EPG5: variants seen among roughly 807,000 people sequenced by gnomAD.
The protein encoded by EPG5 is ectopic P-granules 5 autophagy tethering factor.
EPG5 carries 159 observed loss-of-function variants against 302.7 expected under a neutral mutation model. The ratio of observed to expected loss-of-function variants is 0.53; its 90% CI spans 0.46 to 0.60. EPG5 has a LOEUF of 0.60. Among genes scored for constraint, EPG5 ranks in the 20% least tolerant of loss-of-function variants. The pLI is 0.00. For synonymous variants in EPG5, 1,158 were observed against 1,136.8 expected, an observed-to-expected ratio of 1.02 and a Z score of -0.37; for missense variants, 2,896 against 3,092.4, an observed-to-expected ratio of 0.94 and a Z score of 1.51.
At position 45,917,833 on chromosome 18, in the gene EPG5, G is replaced by C; in HGVS notation, c.3099-14C>G. Reference sequence around the variant, plus strand: ...AACTTCTCAATGCTATGGAAAAAGAGAAAGGCACTGAATACACAAGGGAGC... The same window carrying C: ...AACTTCTCAATGCTATGGAAAAAGACAAAGGCACTGAATACACAAGGGAGC... On this transcript the variant is annotated splice_polypyrimidine_tract_variant and intron_variant, in intron 16 of 43. Transcript: ENST00000282041. 6.2e-7 allele frequency: 1 copy of C among 1,613,862 alleles called. No individual in the cohort carries two copies. Among genetic ancestry groups the C allele is most frequent in the East Asian group, 2.2e-5 (1 of 44,856 alleles).
rs1428129250 is a variant in EPG5, at chr18:45,849,005, A to T, written c.*3462T>A. 1 of 148,950 alleles carries T rather than the reference A, an allele frequency of 6.7e-6. No individual in the cohort carries two copies. The highest frequency in any genetic ancestry group is 2.5e-5 in the African/African-American group (1 of 40,032). The allele number at this position is 148,950 out of a possible 1,614,324, so 9.2% of individuals were successfully genotyped here. A position where few individuals can be genotyped will look rare whatever the true frequency, so the allele number is the denominator to read the frequency against. The stretch of plus-strand genomic sequence containing the variant: ...GGGAGGCTGAGGCAGAATAGCTTGA[A>T]CCCAGGAGGCGGAGGTTGCAGTGAG... On this transcript the variant is annotated 3_prime_UTR_variant, in exon 44 of 44. Coordinates refer to ENST00000282041, the MANE Select transcript of EPG5 (RefSeq NM_020964.3).
chr18:45,861,081 ACAC>A (rs1256738493), intron 39 of EPG5, among the ~76,000 whole-genome samples: 2 of 152,350 alleles, frequency 1.3e-5, no homozygotes, highest in East Asian at 3.9e-4. Context: ...TGTAGCTTTC[ACAC>A]CACAAGGATT....
chr18:45,949,865 A>G (rs532371189), intron 4 of EPG5, among the ~76,000 whole-genome samples: 2 of 152,362 alleles, frequency 1.3e-5, no homozygotes, highest in South Asian at 4.1e-4. Flanking sequence ...GAATAGATAT[A>G]AGTCAAGTAG....
At chr18:45,898,730 C>G (rs2049535347) in intron 27 of EPG5, among the ~76,000 whole-genome samples, 1 of 152,206 alleles carries the variant, frequency 6.6e-6, no homozygotes, top group African/African-American at 2.4e-5. Context: ...CCACCAACAC[C>G]CCCAAAACAC....
rs2050707198 is a variant in EPG5, at chr18:45,943,146, C to T, written c.1943+15G>A. 1.2e-6 allele frequency: 2 copies of T among 1,612,688 alleles called. No individual in the cohort carries two copies. The highest frequency in any genetic ancestry group is 1.7e-6 in the Non-Finnish European group (2 of 1,178,946). On this transcript the variant is annotated intron_variant, in intron 9 of 43. Coordinates refer to ENST00000282041, the MANE Select transcript of EPG5 (RefSeq NM_020964.3). ...GTGAAAGGAACAGAGAAGGGTAGAGCAACAGCAGTATTACCTGATCATATA... is the reference window on the plus strand; with the variant it reads ...GTGAAAGGAACAGAGAAGGGTAGAGTAACAGCAGTATTACCTGATCATATA...
At chr18:45,835,476 T>C in the EPG5 span, among the ~76,000 whole-genome samples, 2 of 152,200 alleles carry the variant, frequency 1.3e-5, no homozygotes, top group African/African-American at 4.8e-5. Flanking sequence ...AAAAGGCAGA[T>C]GCTGGCTAGA....
chr18:45,929,111 T>TAG, intron 12 of EPG5, 102 bp from the exon 13 acceptor site: 1 of 1,247,002 alleles, frequency 8.0e-7, no homozygotes, highest in Non-Finnish European at 1.1e-6. Flanking sequence ...GAATCTTACA[T>TAG]TGAGCCTTAA....
chr18:45,817,259 C>T, the EPG5 span, among the ~76,000 whole-genome samples: 1 of 151,954 alleles, frequency 6.6e-6, no homozygotes, highest in African/African-American at 2.4e-5. Flanking sequence ...CCCCAATAAC[C>T]TATGGGAATA....
chr18:45,837,375 G>A, the EPG5 span: 238 of 1,287,240 alleles, frequency 1.8e-4, no homozygotes, highest in African/African-American at 3.3e-3. Flanking sequence ...CCCTGGAAGT[G>A]GGGGACGATC....
intron 27 of EPG5, among the ~76,000 whole-genome samples, chr18:45,896,839 G>C (rs9958987): frequency 0.044 from 6,632 of 152,174 alleles, 423 homozygotes; most frequent in African/African-American, 0.14. Flanking sequence ...GACCCACCAC[G>C]CTCAGCCCAA....
chr18:45,913,693 C>G lies in EPG5; in HGVS notation c.3816+13G>C, dbSNP rs2049963946. 6.2e-7 allele frequency: 1 copy of G among 1,613,662 alleles called. No individual in the cohort carries two copies. The highest frequency in any genetic ancestry group is 1.1e-5 in the South Asian group (1 of 91,026). Reference sequence around the variant, plus strand: ...CACCTTCTACCACTCAAATGCAGAACTGCTATTTGTACCTTCAGAGCTTGG... The same window carrying G: ...CACCTTCTACCACTCAAATGCAGAAGTGCTATTTGTACCTTCAGAGCTTGG... On this transcript the variant is annotated intron_variant, in intron 21 of 43. Coordinates refer to ENST00000282041, the MANE Select transcript of EPG5 (RefSeq NM_020964.3).
chr18:45,899,108 C>T (rs1003733399), intron 27 of EPG5, among the ~76,000 whole-genome samples: 3 of 151,980 alleles, frequency 2.0e-5, no homozygotes, highest in Non-Finnish European at 4.4e-5. Context: ...CTGGGGACTC[C>T]GTTTCAAAAA....
Position 45,910,619 on chromosome 18 carries a change from G to A in EPG5, c.4107C>T (p.Ala1369=), listed in dbSNP as rs1599551946. The change falls in exon 23 of 44, where the codon GCC becomes GCT. Residue 1369 remains alanine, a synonymous_variant. Coordinates refer to ENST00000282041, the MANE Select transcript of EPG5 (RefSeq NM_020964.3). The stretch of plus-strand genomic sequence containing the variant: ...CACTGCCCTCTGCTGGAACACGGAG[G>A]GCCTTGCTTGCAGCATGGTGGAAGT... The part of the protein sequence containing the change: ...VADFHHAASK[A]LRVPAEGSEG... 1 of 1,614,060 alleles carries A rather than the reference G, an allele frequency of 6.2e-7. No individual in the cohort carries two copies. Among genetic ancestry groups the A allele is most frequent in the Non-Finnish European group, 8.5e-7 (1 of 1,180,016 alleles).
At chr18:45,930,003 A>G (rs2050363974) in intron 12 of EPG5, among the ~76,000 whole-genome samples, 1 of 152,242 alleles carries the variant, frequency 6.6e-6, no homozygotes, top group African/African-American at 2.4e-5. Context: ...GATAAATGAC[A>G]GCTTAAAGTG....
the EPG5 span, among the ~76,000 whole-genome samples, chr18:45,827,038 C>A: frequency 6.6e-6 from 1 of 152,154 alleles, no homozygotes; most frequent in Admixed American, 6.5e-5. Context: ...CCTCAGCCTC[C>A]CAAGTAGCTG....
chr18:45,906,008 T>C (rs1486930503), intron 24 of EPG5, among the ~76,000 whole-genome samples: 1 of 152,210 alleles, frequency 6.6e-6, no homozygotes, highest in Non-Finnish European at 1.5e-5. Flanking sequence ...TAAATGCTGT[T>C]ATCTCTCAAT....
intron 1 of EPG5, among the ~76,000 whole-genome samples, chr18:45,955,796 A>C (rs1236387967): frequency 6.6e-6 from 1 of 152,242 alleles, no homozygotes; most frequent in African/African-American, 2.4e-5. Flanking sequence ...GTACTGGAAT[A>C]AAATAAATAT....
chr18:45,927,903 T>A (rs894048667), intron 13 of EPG5, among the ~76,000 whole-genome samples: 1 of 151,606 alleles, frequency 6.6e-6, no homozygotes, highest in African/African-American at 2.4e-5. Flanking sequence ...AGAGTAAGAG[T>A]GATAGCTGGG....
At position 45,949,607 on chromosome 18, in the gene EPG5, C is replaced by T; in HGVS notation, c.1390-16G>A. 1.3e-6 allele frequency: 2 copies of T among 1,486,534 alleles called. No individual in the cohort carries two copies. Among genetic ancestry groups the T allele is most frequent in the East Asian group, 4.5e-5 (2 of 44,176 alleles). 92.1% of individuals were successfully genotyped at this position (1,486,534 alleles called of 1,614,324 possible). On this transcript the variant is annotated splice_polypyrimidine_tract_variant and intron_variant, in intron 4 of 43. Transcript: ENST00000282041. ...GCACGGATACCTGAACAATAAAGGT[C>T]ATATGATCTCACTATTTTTAATAAA... is the stretch of plus-strand genomic sequence containing the variant.
Sources: allele counts gnomAD v4.1 joint callset (sites outside exome capture counted in the v4.1 genomes callset), GRCh38; gene constraint gnomAD v4.1.1; transcripts MANE v1.5; gene names NCBI Gene and HGNC (gene_info 2026-07-23, HGNC 2026-07-21).